Variants in ZNF35 observed in about 807,000 individuals in gnomAD.
ZNF35 encodes zinc finger protein 35.
ZNF35 carries 31 observed loss-of-function variants against 45.9 expected under a neutral mutation model. That is an observed-to-expected ratio of 0.68 (90% CI 0.51 to 0.91). The LOEUF (loss-of-function observed/expected upper bound fraction) is 0.91. ZNF35 is among the 40% of genes least tolerant of loss of function. The probability of loss-of-function intolerance (pLI) is 0.00; values close to 1 mark genes in which losing one functional copy is unlikely to be tolerated. For missense variants in ZNF35, 515 were observed against 625.4 expected, an observed-to-expected ratio of 0.82 and a Z score of 1.88; for synonymous variants, 205 against 220.2, an observed-to-expected ratio of 0.93 and a Z score of 0.61.
chr3:44,654,304 G>T (rs1032916810), intron 3 of ZNF35, among the ~76,000 whole-genome samples: 2 of 152,194 alleles, frequency 1.3e-5, no homozygotes, highest in African/African-American at 4.8e-5. Flanking sequence ...AGCAGGCGAT[G>T]GTGGGAACAC....
Position 44,651,261 on chromosome 3 carries a change from T to G in ZNF35, c.192+2T>G, listed in dbSNP as rs767533020. 6.2e-7 allele frequency: 1 copy of G among 1,609,974 alleles called. No homozygotes were observed. The highest frequency in any genetic ancestry group is 1.1e-5 in the South Asian group (1 of 90,730). ...GATGGATCAGAAGAGGAAGAAAAGG[T>G]AAACGGGGGCCTGAGAGGAAGAGGG... On this transcript the variant is annotated splice_donor_variant, in intron 2 of 3. Transcript: ENST00000396056. LOFTEE classifies it high-confidence loss of function.
chr3:44,648,857 G>C (rs1429709051), intron 1 of ZNF35, 23 bp downstream of exon 1: 8 of 152,314 alleles, frequency 5.3e-5, no homozygotes, highest in Admixed American at 5.2e-4. Flanking sequence ...GGAGGGGGTG[G>C]GCACGAACGT....
intron 3 of ZNF35, among the ~76,000 whole-genome samples, chr3:44,657,902 A>G (rs1408965140): frequency 1.3e-5 from 2 of 152,182 alleles, no homozygotes; most frequent in Non-Finnish European, 2.9e-5. Context: ...TATTCCAGGC[A>G]ATATCTGAGT....
intron 3 of ZNF35, among the ~76,000 whole-genome samples, chr3:44,657,375 C>T (rs572484579): frequency 4.6e-5 from 7 of 152,310 alleles, no homozygotes; most frequent in Admixed American, 1.3e-4. Context: ...GCCACCCATT[C>T]CTGTTACCCT....
At chr3:44,656,171 A>G (rs953470758) in intron 3 of ZNF35, among the ~76,000 whole-genome samples, 14 of 152,168 alleles carry the variant, frequency 9.2e-5, no homozygotes, top group African/African-American at 3.4e-4. Context: ...ATGAAACTGT[A>G]TATGGAAAAA....
chr3:44,659,039 G>C lies in ZNF35; in HGVS notation c.676G>C (p.Val226Leu). ...QLGQKPFTCSVCGKGFSQSAN... is the reference protein window; with the variant it reads ...QLGQKPFTCSLCGKGFSQSAN... ...TGGACAAAAGCCTTTTACGTGTAGC[G>C]TGTGTGGGAAAGGATTTAGTCAGAG... Residue 226 changes from valine (V) to leucine (L), a missense_variant, in exon 4 of 4, where the codon GTG (valine) becomes CTG (leucine). Physicochemically the swap from Val to Leu is conservative, Grantham distance 32. Around this residue, in one of 3 missense-constraint regions of ZNF35, gnomAD observed 275 missense variants for 295.7 expected, o/e 0.93. Coordinates refer to ENST00000396056, the MANE Select transcript of ZNF35 (RefSeq NM_003420.4). The surrounding 1 kb of genome is among the most constrained non-coding windows in gnomAD (Gnocchi z 4.3). 6.2e-7 allele frequency: 1 copy of C among 1,614,220 alleles called. No individual in the cohort carries two copies.
chr3:44,658,778 T>C lies in ZNF35; in HGVS notation c.415T>C (p.Ser139Pro), dbSNP rs139593995. ...CEEAEKPLII[S>P]ERIQKADPQG... ...GGAAGCTGAAAAACCCCTCATCATATCAGAAAGAATCCAGAAAGCTGATCC... is the reference window on the plus strand; with the variant it reads ...GGAAGCTGAAAAACCCCTCATCATACCAGAAAGAATCCAGAAAGCTGATCC... The change falls in exon 4 of 4, where the codon TCA becomes CCA. Residue 139 changes from serine (S) to proline (P), a missense_variant. Transcript: ENST00000396056. 2.0e-4 allele frequency: 323 copies of C among 1,607,822 alleles called. No individual in the cohort carries two copies. In the African/African-American group the frequency reaches 3.7e-3, roughly 19 times the overall value.
At chr3:44,654,696 T>A (rs1300573018) in intron 3 of ZNF35, among the ~76,000 whole-genome samples, 1 of 152,228 alleles carries the variant, frequency 6.6e-6, no homozygotes, top group Non-Finnish European at 1.5e-5. Context: ...TAAAGTTTAT[T>A]CATTTAAAAA....
At chr3:44,649,760 G>T (rs962216074) in intron 1 of ZNF35, among the ~76,000 whole-genome samples, 1 of 151,734 alleles carries the variant, frequency 6.6e-6, no homozygotes, top group African/African-American at 2.4e-5. Context: ...TTAATAAAAT[G>T]GAAATATAAA....
Position 44,652,665 on chromosome 3 carries a change from G to A in ZNF35, c.301G>A (p.Glu101Lys). 1.9e-6 allele frequency: 3 copies of A among 1,609,686 alleles called. No individual in the cohort carries two copies. The highest frequency in any genetic ancestry group is 1.3e-5 in the African/African-American group (1 of 74,862). Residue 101 changes from glutamate (E) to lysine (K), a missense_variant, in exon 3 of 4, where the codon GAG becomes AAG. By Grantham distance (56) the Glu-to-Lys change is moderately conservative. Transcript: ENST00000396056. ...ATTACCAGGGACTCTGGCCAAGAGT[G>A]AGATACTGGAGACTCATGGGACCAT... ...YSLPGTLAKS[E>K]ILETHGTMNF...
intron 3 of ZNF35, among the ~76,000 whole-genome samples, chr3:44,656,581 C>T (rs1334311740): frequency 2.6e-5 from 4 of 151,724 alleles, no homozygotes; most frequent in African/African-American, 7.3e-5. Context: ...TTCCTAGAGA[C>T]GGGGTTTCAC....
chr3:44,658,617 A>G, intron 3 of ZNF35, 84 bp from the exon 4 acceptor site: 2 of 1,436,572 alleles, frequency 1.4e-6, no homozygotes, highest in Non-Finnish European at 1.9e-6. Flanking sequence ...CTGAAATCAC[A>G]TACTTCGTTT....
chr3:44,648,213 A>T (rs961153089), upstream of ZNF35: 1 of 152,070 alleles, frequency 6.6e-6, no homozygotes, highest in African/African-American at 2.4e-5. Flanking sequence ...ATTTTTGTTG[A>T]TTTTCTTACC....
rs572249953 is a variant in ZNF35 at position 44,651,169 on chromosome 3, C to T, written c.102C>T (p.Ser34=). 89 of 1,614,122 alleles carry T rather than the reference C, an allele frequency of 5.5e-5. No homozygotes were observed. In the South Asian group the frequency reaches 8.5e-4, roughly 15 times the overall value. The change falls in exon 2 of 4, where the codon TCC becomes TCT. Residue 34 remains serine (S), a synonymous_variant. Coordinates refer to ENST00000396056, the MANE Select transcript of ZNF35 (RefSeq NM_003420.4). The part of the protein sequence containing the change: ...EEEENFPGQA[S]SQQVHSENIK... ...AAGAAAACTTCCCAGGTCAGGCATC[C>T]AGCCAACAAGTGCACTCCGAGAACA...
rs750782633 is a variant in ZNF35 at position 44,652,624 on chromosome 3, C to A, written c.260C>A (p.Thr87Asn). The change falls in exon 3 of 4, where the codon ACC becomes AAC. Residue 87 changes from threonine (T) to asparagine (N), a missense_variant. Physicochemically the swap from Thr to Asn is moderately conservative, Grantham distance 65. Around this residue, in one of 3 missense-constraint regions of ZNF35, gnomAD observed 275 missense variants for 295.7 expected, o/e 0.93. Coordinates refer to ENST00000396056, the MANE Select transcript of ZNF35 (RefSeq NM_003420.4). ...KATQEAPAAS[T>N]LGSYSLPGTL... is the part of the protein sequence containing the mutation. ...ACTCAGGAGGCACCTGCTGCTTCAA[C>A]CCTTGGCAGCTACTCATTACCAGGG... The A allele has an allele frequency of 6.2e-7, 1 of 1,611,086 alleles. No homozygotes were observed. Among genetic ancestry groups the A allele is most frequent in the African/African-American group, 1.3e-5 (1 of 74,974 alleles).
At position 44,651,094 on chromosome 3, in the gene ZNF35, G is replaced by A; in HGVS notation, c.27G>A (p.Met9Ile). ...TGACTGCAGAATTGAGAGAAGCCATGGCCCTAGCCCCATGGGGCCCAGTGA... is the reference window on the plus strand; with the variant it reads ...TGACTGCAGAATTGAGAGAAGCCATAGCCCTAGCCCCATGGGGCCCAGTGA... Reference protein sequence around the residue: MTAELREAMALAPWGPVKV... With the variant: MTAELREAIALAPWGPVKV... The change falls in exon 2 of 4, where the codon ATG (methionine) becomes ATA (isoleucine). Residue 9 changes from methionine to isoleucine, a missense_variant. Physicochemically the swap from Met to Ile is conservative, Grantham distance 10. Around this residue, in one of 3 missense-constraint regions of ZNF35, gnomAD observed 275 missense variants for 295.7 expected, o/e 0.93. Coordinates refer to ENST00000396056, the MANE Select transcript of ZNF35 (RefSeq NM_003420.4). 1 of 1,614,112 alleles carries A rather than the reference G, an allele frequency of 6.2e-7. No homozygotes were observed.
intron 3 of ZNF35, among the ~76,000 whole-genome samples, chr3:44,655,526 T>C (rs1171377146): frequency 6.6e-6 from 1 of 152,212 alleles, no homozygotes. Flanking sequence ...ATTTCTGTAC[T>C]TAATTTAATT....
chr3:44,658,953 A>C lies in ZNF35; in HGVS notation c.590A>C (p.Lys197Thr). 1 of 1,614,070 alleles carries C rather than the reference A, an allele frequency of 6.2e-7. No homozygotes were observed. Among genetic ancestry groups the C allele is most frequent in the Non-Finnish European group, 8.5e-7 (1 of 1,180,022 alleles). ...SFKEEENQKCKKSGGKYSLNS... is the reference protein window; with the variant it reads ...SFKEEENQKCTKSGGKYSLNS... ...AAAGAAGAGGAAAACCAGAAATGTA[A>C]GAAATCTGGAGGAAAATATAGCCTT... Residue 197 changes from lysine (K) to threonine (T), a missense_variant, in exon 4 of 4, where the codon AAG (lysine) becomes ACG (threonine). This residue lies in a region of ZNF35 where 275 missense variants were observed against 295.7 expected (regional missense o/e 0.93). Coordinates refer to ENST00000396056, the MANE Select transcript of ZNF35 (RefSeq NM_003420.4).
chr3:44,650,604 A>G (rs1448522061), intron 1 of ZNF35, among the ~76,000 whole-genome samples: 2 of 152,234 alleles, frequency 1.3e-5, no homozygotes, highest in African/African-American at 4.8e-5. Flanking sequence ...TTAAATCTTA[A>G]AATGTATAGT....
Sources: gnomAD v4.1 joint callset for allele counts (sites outside exome capture counted in the v4.1 genomes callset) on GRCh38, gnomAD v4.1.1 for gene constraint, gnomAD v4.1.1 regional missense constraint, Gnocchi (gnomAD v3.1) non-coding constraint, MANE v1.5 for transcripts, NCBI Gene and HGNC (gene_info 2026-07-23, HGNC 2026-07-21) for gene names.